The following ZNF83 variants were observed in gnomAD, a reference collection of about 807,000 sequenced individuals.
ZNF83 encodes zinc finger protein 816B.
For synonymous variants in ZNF83, 209 were observed against 213.0 expected, an observed-to-expected ratio of 0.98 and a Z score of 0.17; for missense variants, 552 against 629.9, an observed-to-expected ratio of 0.88 and a Z score of 1.32.
intron 1 of ZNF83, chr19:52,674,103 T>C (rs1568577404): frequency 1.3e-5 from 2 of 151,796 alleles, no homozygotes; most frequent in African/African-American, 4.8e-5. Context: ...CACAACCCTC[T>C]GATATGGCTC....
At chr19:52,647,652 GCT>G (rs752457283) in intron 3 of ZNF83, among the ~76,000 whole-genome samples, 14 of 151,232 alleles carry the variant, frequency 9.3e-5, no homozygotes, top group Non-Finnish European at 2.1e-4. Context: ...TCTCTCTCTA[GCT>G]CTTTTTTTTC....
At chr19:52,676,090 C>A (rs1357358732) in intron 1 of ZNF83, among the ~76,000 whole-genome samples, 1 of 152,162 alleles carries the variant, frequency 6.6e-6, no homozygotes, top group East Asian at 1.9e-4. Flanking sequence ...GCCTGATTCT[C>A]CTGCCTCAGC....
At chr19:52,668,506 A>G (rs1262684895) in intron 1 of ZNF83, among the ~76,000 whole-genome samples, 1 of 152,126 alleles carries the variant, frequency 6.6e-6, no homozygotes, top group Non-Finnish European at 1.5e-5. Context: ...ACTGGAAAGG[A>G]TCCTATAGGC....
At chr19:52,659,179 C>G (rs73586156) in intron 2 of ZNF83, among the ~76,000 whole-genome samples, 17,538 of 151,934 alleles carry the variant, frequency 0.12, 1,693 homozygotes, top group East Asian at 0.4. Context: ...AACAGACCCC[C>G]CACAGTTCAA....
At chr19:52,652,769 A>G in intron 3 of ZNF83, 1 of 822,130 alleles carries the variant, frequency 1.2e-6, no homozygotes, top group South Asian at 1.4e-5. Context: ...TGAATAAGTG[A>G]TGACTGCCCA....
At chr19:52,689,943 G>T (rs1343722705) in intron 1 of ZNF83, among the ~76,000 whole-genome samples, 2 of 152,188 alleles carry the variant, frequency 1.3e-5, no homozygotes, top group Non-Finnish European at 2.9e-5. Context: ...GAGAGACCTG[G>T]GGAGCAGCAG....
chr19:52,618,187 G>A (rs905513201), intron 2 of ZNF83: 4 of 152,098 alleles, frequency 2.6e-5, no homozygotes, highest in African/African-American at 9.7e-5. Context: ...TGCCTCCCAG[G>A]TTCAGGTGAT....
intron 1 of ZNF83, among the ~76,000 whole-genome samples, chr19:52,663,171 A>T (rs981898730): frequency 2.3e-4 from 35 of 149,662 alleles, no homozygotes; most frequent in African/African-American, 8.0e-4. Context: ...TCAAAAAAGG[A>T]AAAAAAAAAT....
intron 1 of ZNF83, among the ~76,000 whole-genome samples, chr19:52,670,426 G>T (rs924226618): frequency 6.6e-6 from 1 of 152,128 alleles, no homozygotes; most frequent in Non-Finnish European, 1.5e-5. Context: ...GTTCAGGTAC[G>T]CACTCACCAT....
rs2060246723 is a variant in ZNF83, at chr19:52,614,752, T to A, written c.-188A>T. On this transcript the variant is annotated 5_prime_UTR_variant, in exon 3 of 3. The change creates a premature stop within an existing upstream ORF in the 5' untranslated region. Coordinates refer to ENST00000301096, the Ensembl canonical transcript of ZNF83. ...CTGGAATATTTCTCCTGTATTACTC[T>A]CCTTTTTTGGTGGTAATTCCTTGAT... 1.5e-6 allele frequency: 2 copies of A among 1,295,898 alleles called. No individual in the cohort carries two copies. Among genetic ancestry groups the A allele is most frequent in the Admixed American group, 7.3e-5 (2 of 27,234 alleles). 80.3% of individuals were successfully genotyped at this position (1,295,898 alleles called of 1,614,324 possible). A position where few individuals can be genotyped will look rare whatever the true frequency, so the allele number is the denominator to read the frequency against.
chr19:52,660,920 A>G (rs2061571588), intron 1 of ZNF83: 1 of 153,230 alleles, frequency 6.5e-6, no homozygotes, highest in Non-Finnish European at 1.5e-5. Context: ...GATGGGGTTC[A>G]GTGACATGAT....
At chr19:52,650,567 C>G (rs1258742915) in intron 3 of ZNF83, 1 of 152,176 alleles carries the variant, frequency 6.6e-6, no homozygotes, top group East Asian at 1.9e-4. Flanking sequence ...GAACTTATTA[C>G]TTTTCTAATA....
At chr19:52,613,283 CT>C (rs1309219196) in exon 3 of ZNF83, 2 of 1,613,730 alleles carry the variant, frequency 1.2e-6, no homozygotes, top group Admixed American at 3.3e-5. Flanking sequence ...CATTTATAAG[CT>C]TTTTCTCCAG....
intron 1 of ZNF83, 123 bp downstream of exon 1, chr19:52,638,189 C>G (rs2061217805): frequency 6.6e-6 from 1 of 152,350 alleles, no homozygotes; most frequent in Non-Finnish European, 1.5e-5. Flanking sequence ...ATGGGGACGT[C>G]TCAATTTGTC....
intron 1 of ZNF83, among the ~76,000 whole-genome samples, chr19:52,668,601 C>G (rs1443911902): frequency 1.3e-5 from 2 of 152,108 alleles, no homozygotes; most frequent in Non-Finnish European, 2.9e-5. Context: ...TATGACATGC[C>G]TCGTGCCAAA....
intron 1 of ZNF83, among the ~76,000 whole-genome samples, chr19:52,683,461 AGT>A (rs2061960469): frequency 6.8e-6 from 1 of 146,196 alleles, no homozygotes; most frequent in Admixed American, 6.8e-5. Context: ...GTTGTGTAGG[AGT>A]GTGTCCTTCA....
upstream of ZNF83, among the ~76,000 whole-genome samples, chr19:52,643,015 G>C (rs964469941): frequency 6.6e-6 from 1 of 152,108 alleles, no homozygotes; most frequent in Non-Finnish European, 1.5e-5. Flanking sequence ...AAAGTAGCCA[G>C]GCTTGGTGGG....
At chr19:52,661,132 T>C (rs10417752) in intron 1 of ZNF83, among the ~76,000 whole-genome samples, 109,780 of 151,876 alleles carry the variant, frequency 0.72, 39,793 homozygotes, top group Admixed American at 0.79. Context: ...CAAAGAGCTA[T>C]GATTACAGGG....
chr19:52,688,955 A>G (rs1600288975), intron 1 of ZNF83, among the ~76,000 whole-genome samples: 2 of 21,810 alleles, frequency 9.2e-5, no homozygotes, highest in East Asian at 9.2e-4. Context: ...TGAAGGAAAA[A>G]AAAAAAAAAA....
Sources: gnomAD v4.1 joint callset for allele counts (sites outside exome capture counted in the v4.1 genomes callset) on GRCh38, gnomAD v4.1.1 for gene constraint, MANE v1.5 for transcripts, NCBI Gene and HGNC (gene_info 2026-07-23, HGNC 2026-07-21) for gene names.